MPRIP: variants seen among roughly 807,000 people sequenced by gnomAD.
MPRIP encodes myosin phosphatase Rho-interacting protein.
MPRIP carries 59 observed loss-of-function variants against 234.9 expected under a neutral mutation model. That is an observed-to-expected ratio of 0.25 (90% CI 0.20 to 0.31). The LOEUF is 0.31. Among genes scored for constraint, MPRIP ranks in the 10% least tolerant of loss-of-function variants. The pLI is 1.00. For missense variants in MPRIP, 2,436 were observed against 3,071.0 expected (o/e 0.79, Z 4.89); for synonymous variants, 1,144 against 1,263.9 (o/e 0.91, Z 2.01).
chr17:17,157,703 C>T (rs973929260), intron 13 of MPRIP, among the ~76,000 whole-genome samples: 6 of 152,070 alleles, frequency 3.9e-5, no homozygotes, highest in East Asian at 1.9e-4. Flanking sequence ...TAGCGCATGC[C>T]GGTAATCCCA....
intron 7 of MPRIP, 44 bp from the exon 8 acceptor site, chr17:17,142,583 G>A: frequency 1.2e-6 from 2 of 1,603,276 alleles, no homozygotes; most frequent in Middle Eastern, 2.3e-4. Flanking sequence ...CCACCTCACA[G>A]CTCACCTCAC....
intron 9 of MPRIP, among the ~76,000 whole-genome samples, chr17:17,145,319 A>G (rs2045434942): frequency 6.6e-6 from 1 of 152,186 alleles, no homozygotes; most frequent in Admixed American, 6.5e-5. Context: ...TGGCTGTAGA[A>G]AAGAGAGCAC....
intron 13 of MPRIP, 83 bp downstream of exon 13, chr17:17,154,498 AAGTCTGAGACCTGAGCTCAGTG>A: frequency 8.5e-7 from 1 of 1,182,048 alleles, no homozygotes; most frequent in Non-Finnish European, 1.3e-6. Flanking sequence ...CTCAGGTCTG[AAGTCTGAGACCTGAGCTCAGTG>A]CATCCCAGTC....
intron 19 of MPRIP, among the ~76,000 whole-genome samples, chr17:17,174,485 C>G (rs1443570270): frequency 2.0e-5 from 3 of 152,258 alleles, no homozygotes; most frequent in Middle Eastern, 3.2e-3. Flanking sequence ...TGAGCTGACA[C>G]TTCTCAGGGT....
chr17:17,057,833 T>C (rs949508562), intron 1 of MPRIP: 4 of 625,016 alleles, frequency 6.4e-6, no homozygotes, highest in African/African-American at 3.7e-5. Context: ...GCCGCTGATA[T>C]ACTCTAATAC....
Position 17,078,081 on chromosome 17 carries a change from G to A in MPRIP, c.267+5G>A, listed in dbSNP as rs1567699630. On this transcript the variant is annotated splice_donor_5th_base_variant and intron_variant, in intron 3 of 23. Coordinates refer to ENST00000651222, the MANE Select transcript of MPRIP (RefSeq NM_001364716.4). This position sits in a 1 kb window ranked among gnomAD's most constrained non-coding sequence, Gnocchi z 4.3. ...CGCTACGCCCTGGATGAGATGGTAA[G>A]TGTTATCCTTGCCCACTCCCTGTCC... The A allele has an allele frequency of 6.2e-7, 1 of 1,614,014 alleles. No individual in the cohort carries two copies.
rs1167022040 is a variant in MPRIP, at chr17:17,191,789, G to A, written c.*6895G>A. 2 of 152,222 alleles carry A rather than the reference G, an allele frequency of 1.3e-5. No individual in the cohort carries two copies. The highest frequency in any genetic ancestry group is 2.9e-5 in the Non-Finnish European group (2 of 68,044). The allele number at this position is 152,222 out of a possible 1,614,324, so 9.4% of individuals were successfully genotyped here. The stretch of plus-strand genomic sequence containing the variant: ...TAGACAGCTAGGAATAGATTGTGAA[G>A]AACACTCAGTTCACTACTGTGTTAC... On this transcript the variant is annotated 3_prime_UTR_variant, in exon 24 of 24. Transcript: ENST00000651222.
chr17:17,180,648 C>T lies in MPRIP; in HGVS notation c.7206+560C>T, dbSNP rs151057133. 1.7e-3 allele frequency: 2,685 copies of T among 1,614,032 alleles called. 5 individuals carry two copies. The highest frequency in any genetic ancestry group is 3.1e-3 in the South Asian group (283 of 91,092). ...TCTCGTGGGATACCTGAAATGCACC[C>T]GCTTCCCGGCCCATGCAGGAGGTAA... On this transcript the variant is annotated intron_variant, in intron 23 of 23. Coordinates refer to ENST00000651222, the MANE Select transcript of MPRIP (RefSeq NM_001364716.4).
At chr17:17,046,926 C>A (rs1271677952) in intron 1 of MPRIP, among the ~76,000 whole-genome samples, 2 of 152,168 alleles carry the variant, frequency 1.3e-5, no homozygotes, top group African/African-American at 4.8e-5. Flanking sequence ...GCCTGTAATC[C>A]CAGCACTTAG....
rs79870921 is a variant in MPRIP, at chr17:17,124,705, A to T, written c.268-1997A>T. ...AAACAAGAGAGTCCACCTCAGAGAG[A>T]CAAGATGCCTTGTCTAGGGAGGTGG... On this transcript the variant is annotated intron_variant, in intron 3 of 23. Transcript: ENST00000651222. Among the ~76,000 whole-genome samples the T allele has an allele frequency of 6.7e-4, 102 of 152,290 alleles. 4 individuals are homozygous for T. The East Asian group carries it at 0.02, about 29-fold the overall frequency.
chr17:17,159,732 G>T (rs1342345014), intron 14 of MPRIP, among the ~76,000 whole-genome samples: 2 of 152,208 alleles, frequency 1.3e-5, no homozygotes, highest in African/African-American at 4.8e-5. Flanking sequence ...GAGGTGTAGC[G>T]TTACAGTTTT....
At position 17,189,960 on chromosome 17, in the gene MPRIP, G is replaced by T. The variant is rs2046554337; in HGVS notation, c.*5066G>T. ...CTGCTGGGAACTTGCTTATTAAAAA[G>T]TTCCTTAGAATTAAGGTATCTACCC... On this transcript the variant is annotated 3_prime_UTR_variant, in exon 24 of 24. Transcript: ENST00000651222. 6.6e-6 allele frequency: 1 copy of T among 152,226 alleles called. No homozygotes were observed. The highest frequency in any genetic ancestry group is 2.1e-4 in the South Asian group (1 of 4,836). The allele number at this position is 152,226 out of a possible 1,614,324, so 9.4% of individuals were successfully genotyped here. A position where few individuals can be genotyped will look rare whatever the true frequency, so the allele number is the denominator to read the frequency against.
intron 19 of MPRIP, among the ~76,000 whole-genome samples, chr17:17,174,410 T>C (rs1278056009): frequency 6.6e-6 from 1 of 152,248 alleles, no homozygotes; most frequent in Non-Finnish European, 1.5e-5. Context: ...AACCTCTGGC[T>C]CACTGTTTCT....
chr17:17,173,579 G>C (rs2046191100), intron 18 of MPRIP, among the ~76,000 whole-genome samples: 1 of 152,154 alleles, frequency 6.6e-6, no homozygotes, highest in African/African-American at 2.4e-5. Flanking sequence ...GTCAGACACA[G>C]ATGGCTTCAA....
intron 3 of MPRIP, among the ~76,000 whole-genome samples, chr17:17,110,915 G>A (rs2090155621): frequency 6.6e-6 from 1 of 152,086 alleles, no homozygotes; most frequent in African/African-American, 2.4e-5. Flanking sequence ...TGGAGCAGGA[G>A]AACAGTAGAT....
intron 4 of MPRIP, 45 bp downstream of exon 4, chr17:17,126,898 AG>A: frequency 2.5e-6 from 4 of 1,596,640 alleles, no homozygotes; most frequent in Non-Finnish European, 3.4e-6. Flanking sequence ...CACCTGCCAC[AG>A]GGCCAACACC....
Position 17,165,144 on chromosome 17 carries a change from G to A in MPRIP, c.3553G>A (p.Glu1185Lys), listed in dbSNP as rs967288096. 2 of 1,304,170 alleles carry A rather than the reference G, an allele frequency of 1.5e-6. No homozygotes were observed. Among genetic ancestry groups the A allele is most frequent in the African/African-American group, 3.0e-5 (2 of 65,896 alleles). The allele number at this position is 1,304,170 out of a possible 1,614,324, so 80.8% of individuals were successfully genotyped here. Residue 1185 changes from glutamate (E) to lysine (K), a missense_variant, in exon 16 of 24, where the codon GAG (glutamate) becomes AAG (lysine). By Grantham distance (56) the Glu-to-Lys change is moderately conservative. Coordinates refer to ENST00000651222, the MANE Select transcript of MPRIP (RefSeq NM_001364716.4). The part of the protein sequence containing the change: ...EAHEKVLEKK[E>K]QDLNEALVKM... The stretch of plus-strand genomic sequence containing the variant: ...ACATGAGAAGGTTCTGGAGAAGAAG[G>A]AGCAGGACCTCAATGAGGCTTTGGT...
intron 1 of MPRIP, among the ~76,000 whole-genome samples, chr17:17,049,955 G>A (rs530717323): frequency 5.9e-5 from 9 of 152,314 alleles, no homozygotes; most frequent in Admixed American, 2.6e-4. Context: ...TTGGGAGGCC[G>A]AGACGGGCGG....
In MPRIP at chr17:17,095,108, G is replaced by A. The variant is rs576727043; in HGVS notation, c.267+17032G>A. Among the ~76,000 whole-genome samples, 3 of 152,244 alleles carry A rather than the reference G, an allele frequency of 2.0e-5. No individual in the cohort carries two copies. The East Asian group carries it at 5.8e-4, about 29-fold the overall frequency. Reference sequence around the variant, plus strand: ...CCTATTGAATTGTTAATTTCTTAGAGCTTGTTTTTTGTTTTCCGTGTGTCC... The same window carrying A: ...CCTATTGAATTGTTAATTTCTTAGAACTTGTTTTTTGTTTTCCGTGTGTCC... On this transcript the variant is annotated intron_variant, in intron 3 of 23. Coordinates refer to ENST00000651222, the MANE Select transcript of MPRIP (RefSeq NM_001364716.4).
Sources: gnomAD v4.1 joint callset for allele counts (sites outside exome capture counted in the v4.1 genomes callset) on GRCh38, gnomAD v4.1.1 for gene constraint, Gnocchi (gnomAD v3.1) non-coding constraint, MANE v1.5 for transcripts, NCBI Gene and HGNC (gene_info 2026-07-23, HGNC 2026-07-21) for gene names.